The following HTR4 variants were observed in gnomAD, a reference collection of about 807,000 sequenced individuals.
HTR4 encodes the protein 5-hydroxytryptamine receptor 4.
In HTR4, 16 loss-of-function variants were observed where a neutral mutation model predicts 36.8. The observed-to-expected ratio is 0.43, with a 90% CI of 0.29 to 0.66. The LOEUF (loss-of-function observed/expected upper bound fraction) is 0.66. HTR4 is among the 30% of genes least tolerant of loss of function. The probability of loss-of-function intolerance (pLI) is 0.13; values close to 1 mark genes in which losing one functional copy is unlikely to be tolerated. For missense variants in HTR4, 438 were observed against 490.9 expected (o/e 0.89, Z 1.02); for synonymous variants, 189 against 185.1 (o/e 1.02, Z -0.17).
At chr5:148,595,701 A>G (rs923400774) in intron 2 of HTR4, among the ~76,000 whole-genome samples, 3 of 152,198 alleles carry the variant, frequency 2.0e-5, no homozygotes, top group African/African-American at 7.2e-5. Context: ...AGCAATTTGT[A>G]TTGATTCCAA....
chr5:148,565,371 G>A (rs946227810), intron 2 of HTR4, among the ~76,000 whole-genome samples: 11 of 152,048 alleles, frequency 7.2e-5, no homozygotes, highest in African/African-American at 2.4e-4. Flanking sequence ...ACTATAAATA[G>A]CGGCCAGAGA....
intron 2 of HTR4, among the ~76,000 whole-genome samples, chr5:148,578,171 C>T (rs967956591): frequency 1.3e-5 from 2 of 151,854 alleles, no homozygotes; most frequent in Non-Finnish European, 2.9e-5. Flanking sequence ...CTCTGTGAGG[C>T]GAAGTGAGGG....
chr5:148,451,192 C>G (rs768411943), exon 6 of HTR4: 8 of 1,613,816 alleles, frequency 5.0e-6, no homozygotes, highest in South Asian at 3.3e-5. Context: ...CAATCAGAAG[C>G]ATGATTCCAG....
intron 6 of HTR4, among the ~76,000 whole-genome samples, chr5:148,494,361 A>C (rs1426688447): frequency 6.6e-6 from 1 of 152,230 alleles, no homozygotes; most frequent in Admixed American, 6.5e-5. Context: ...TAACAACAAC[A>C]AAAAATATAT....
At chr5:148,541,016 T>C (rs947263981) in intron 4 of HTR4, among the ~76,000 whole-genome samples, 3 of 152,230 alleles carry the variant, frequency 2.0e-5, no homozygotes, top group African/African-American at 7.2e-5. Flanking sequence ...TACCATGCAC[T>C]GGTCTATGCA....
At chr5:148,601,716 A>T (rs1448822016) in intron 2 of HTR4, among the ~76,000 whole-genome samples, 1 of 152,100 alleles carries the variant, frequency 6.6e-6, no homozygotes, top group African/African-American at 2.4e-5. Flanking sequence ...TGGGAGGATC[A>T]TTGGAGCTTG....
chr5:148,605,735 G>A (rs76383876), intron 2 of HTR4, among the ~76,000 whole-genome samples: 1,829 of 150,804 alleles, frequency 0.012, 42 homozygotes, highest in African/African-American at 0.043. Context: ...GAAACTAAAT[G>A]TTTCTGTGAT....
intron 2 of HTR4, among the ~76,000 whole-genome samples, chr5:148,605,474 T>A (rs1313092184): frequency 6.6e-6 from 1 of 151,692 alleles, no homozygotes; most frequent in Non-Finnish European, 1.5e-5. Flanking sequence ...GCCAGGCTGG[T>A]CTCGAACTCC....
At chr5:148,480,787 T>G (rs1755853738), downstream of HTR4, among the ~76,000 whole-genome samples, 1 of 152,232 alleles carries the variant, frequency 6.6e-6, no homozygotes, top group South Asian at 2.1e-4. Context: ...ACTTACTCTC[T>G]TAAGTTGGTT....
At chr5:148,604,140 G>A (rs938068253) in intron 2 of HTR4, among the ~76,000 whole-genome samples, 25 of 152,020 alleles carry the variant, frequency 1.6e-4, no homozygotes, top group African/African-American at 3.9e-4. Context: ...TAAATAAGAT[G>A]CAAAAAGGCA....
At chr5:148,510,158 TA>T in intron 5 of HTR4, 134 bp from the exon 6 acceptor site, 1 of 588,732 alleles carries the variant, frequency 1.7e-6, no homozygotes, top group Non-Finnish European at 3.0e-6. Context: ...GATTGGAAGA[TA>T]AAAAGAAGGG....
chr5:148,613,313 A>G lies in HTR4; in HGVS notation c.26+23676T>C, dbSNP rs1326424259. On this transcript the variant is annotated intron_variant, in intron 2 of 6. Transcript: ENST00000377888. ...ACTGGCAAACCAAATCCAGCAGCAC[A>G]TCAAAAAGCTTATCCACCATGATCA... is the stretch of plus-strand genomic sequence containing the variant. Among the ~76,000 whole-genome samples, 252 of 121,842 alleles carry G rather than the reference A, an allele frequency of 2.1e-3. 3 individuals are homozygous for G. Among genetic ancestry groups the G allele is most frequent in the African/African-American group, 7.7e-3 (247 of 32,156 alleles). 79.9% of individuals were successfully genotyped at this position (121,842 alleles called of 152,430 possible).
At chr5:148,504,061 C>A (rs1757066507) in intron 6 of HTR4, among the ~76,000 whole-genome samples, 1 of 152,118 alleles carries the variant, frequency 6.6e-6, no homozygotes, top group African/African-American at 2.4e-5. Context: ...TTTAACACCC[C>A]ACTGTCAACA....
chr5:148,593,107 C>G (rs1761636522), intron 2 of HTR4, among the ~76,000 whole-genome samples: 1 of 152,076 alleles, frequency 6.6e-6, no homozygotes, highest in African/African-American at 2.4e-5. Flanking sequence ...TAAAATTTTT[C>G]TGCTTTTGGG....
chr5:148,566,573 C>T (rs537015223), intron 2 of HTR4, among the ~76,000 whole-genome samples: 134 of 152,194 alleles, frequency 8.8e-4, no homozygotes, highest in African/African-American at 3.0e-3. Flanking sequence ...ATTGAATTTA[C>T]CATTGAGACC....
intron 2 of HTR4, among the ~76,000 whole-genome samples, chr5:148,614,937 C>G (rs1332834201): frequency 6.6e-6 from 1 of 152,106 alleles, no homozygotes; most frequent in East Asian, 1.9e-4. Flanking sequence ...AAAATGCTCA[C>G]CATCACTGGC....
At chr5:148,593,257 A>C (rs934245849) in intron 2 of HTR4, among the ~76,000 whole-genome samples, 1 of 152,162 alleles carries the variant, frequency 6.6e-6, no homozygotes, top group Non-Finnish European at 1.5e-5. Context: ...AGGAGTATCA[A>C]GTTTTCTTCC....
chr5:148,547,189 G>T (rs1352080083), intron 4 of HTR4, among the ~76,000 whole-genome samples: 1 of 152,164 alleles, frequency 6.6e-6, no homozygotes, highest in South Asian at 2.1e-4. Context: ...GCTGGTTTCA[G>T]TCTCTAAGTA....
chr5:148,465,070 G>C (rs888706047), intron 5 of HTR4, among the ~76,000 whole-genome samples: 1 of 152,138 alleles, frequency 6.6e-6, no homozygotes, highest in Admixed American at 6.5e-5. Context: ...AGGTTGGGGT[G>C]GGGGAGGAGG....
Sources: gnomAD v4.1 joint callset for allele counts (sites outside exome capture counted in the v4.1 genomes callset) on GRCh38, gnomAD v4.1.1 for gene constraint, MANE v1.5 for transcripts, NCBI Gene and HGNC (gene_info 2026-07-23, HGNC 2026-07-21) for gene names.